Variants in DLGAP2 observed in about 807,000 individuals in gnomAD.
The protein encoded by DLGAP2 is disks large-associated protein 2.
In DLGAP2, 26 loss-of-function variants were observed where a neutral mutation model predicts 100.3. The observed-to-expected ratio is 0.26, with a 90% CI of 0.19 to 0.36. The LOEUF (loss-of-function observed/expected upper bound fraction) is 0.36. Among genes scored for constraint, DLGAP2 ranks in the 10% least tolerant of loss-of-function variants. The pLI is 1.00. For synonymous variants in DLGAP2, 886 were observed against 630.1 expected (o/e 1.41, Z -6.08); for missense variants, 1,858 against 1,453.2 (o/e 1.28, Z -4.53).
intron 6 of DLGAP2, among the ~76,000 whole-genome samples, chr8:1,619,005 T>C (rs1230745775): frequency 1.3e-5 from 2 of 152,072 alleles, no homozygotes; most frequent in East Asian, 1.9e-4. Context: ...TGTGACAGAA[T>C]AGAGACTCCA....
At chr8:1,075,627 G>T (rs1362923367) in intron 2 of DLGAP2, among the ~76,000 whole-genome samples, 1 of 152,188 alleles carries the variant, frequency 6.6e-6, no homozygotes, top group Non-Finnish European at 1.5e-5. Context: ...CTTTGTATGT[G>T]ACGTCCTTGA....
chr8:1,215,092 G>T (rs1262730755), intron 2 of DLGAP2, among the ~76,000 whole-genome samples: 1 of 152,200 alleles, frequency 6.6e-6, no homozygotes, highest in Non-Finnish European at 1.5e-5. Context: ...AACAGTAAAG[G>T]TCGTCAAGTG....
At chr8:1,287,488 GTGTGTGTGGTTCT>G (rs1171561058) in intron 3 of DLGAP2, among the ~76,000 whole-genome samples, 7 of 51,960 alleles carry the variant, frequency 1.3e-4, no homozygotes, top group African/African-American at 4.1e-4. Context: ...GTGTGTGTGT[GTGTGTGTGGTTCT>G]GTTAGGAGGG....
At chr8:827,093 A>G (rs1377042834) in intron 1 of DLGAP2, among the ~76,000 whole-genome samples, 2 of 152,090 alleles carry the variant, frequency 1.3e-5, no homozygotes, top group Non-Finnish European at 2.9e-5. Context: ...ACACAGTTGG[A>G]GGGCGTTTAC....
At chr8:1,164,282 G>T (rs979656098) in intron 2 of DLGAP2, among the ~76,000 whole-genome samples, 2 of 118,622 alleles carry the variant, frequency 1.7e-5, no homozygotes. Flanking sequence ...GGTTTGTGGG[G>T]ACTGATTGTG....
At chr8:952,506 G>A (rs1799505003) in intron 2 of DLGAP2, among the ~76,000 whole-genome samples, 1 of 152,158 alleles carries the variant, frequency 6.6e-6, no homozygotes, top group South Asian at 2.1e-4. Flanking sequence ...GTGTAGTGGT[G>A]GGCGTCTATA....
rs765465669 is a variant in DLGAP2 at position 781,508 on chromosome 8, C to G, written c.18+43683C>G. Among the ~76,000 whole-genome samples, 57 of 152,166 alleles carry G rather than the reference C, an allele frequency of 3.7e-4. 1 individual carries two copies. Among genetic ancestry groups the G allele is most frequent in the Middle Eastern group, 3.4e-3 (1 of 294 alleles). On this transcript the variant is annotated intron_variant, in intron 1 of 14. Coordinates refer to ENST00000637795, the MANE Select transcript of DLGAP2 (RefSeq NM_001346810.2). ...TGAGACTTGCTACAACTGTGATTAACTGCTGTAATTAACTTTTAGTGTGAC... is the reference window on the plus strand; with the variant it reads ...TGAGACTTGCTACAACTGTGATTAAGTGCTGTAATTAACTTTTAGTGTGAC...
intron 3 of DLGAP2, among the ~76,000 whole-genome samples, chr8:1,317,284 C>G (rs1283236047): frequency 2.6e-4 from 34 of 133,104 alleles, no homozygotes; most frequent in African/African-American, 4.1e-4. Context: ...GTGGTCTACA[C>G]TCGAGAAACT....
At chr8:932,143 T>C (rs1005968300) in intron 2 of DLGAP2, among the ~76,000 whole-genome samples, 2 of 152,226 alleles carry the variant, frequency 1.3e-5, no homozygotes, top group Non-Finnish European at 2.9e-5. Flanking sequence ...GATGTTTTTG[T>C]CGACAAACCT....
intron 4 of DLGAP2, among the ~76,000 whole-genome samples, chr8:1,520,323 G>A (rs1800548980): frequency 6.6e-6 from 1 of 152,212 alleles, no homozygotes; most frequent in Admixed American, 6.5e-5. Flanking sequence ...AACCCAGAAA[G>A]TATTTGGGGA....
intron 2 of DLGAP2, among the ~76,000 whole-genome samples, chr8:1,243,155 G>T (rs11786005): frequency 1.3e-5 from 2 of 152,014 alleles, no homozygotes; most frequent in South Asian, 4.1e-4. Context: ...GGGAAAGGCA[G>T]GGCGTGCTCA....
chr8:1,149,445 C>T (rs1194179860), intron 2 of DLGAP2, among the ~76,000 whole-genome samples: 1 of 152,134 alleles, frequency 6.6e-6, no homozygotes, highest in Non-Finnish European at 1.5e-5. Flanking sequence ...CCGCGCCTGG[C>T]CTGAAATTAC....
intron 6 of DLGAP2, among the ~76,000 whole-genome samples, chr8:1,613,598 C>T (rs1026718544): frequency 1.3e-5 from 2 of 151,830 alleles, no homozygotes; most frequent in African/African-American, 2.4e-5. Context: ...TTATGCACTG[C>T]GCACCCAGCT....
chr8:1,301,484 G>C (rs1347343138), intron 3 of DLGAP2: 2 of 151,834 alleles, frequency 1.3e-5, no homozygotes, highest in Non-Finnish European at 2.9e-5. Context: ...AAGATGATCA[G>C]CTCAAGATAG....
chr8:913,466 G>A (rs1345774455), intron 2 of DLGAP2, among the ~76,000 whole-genome samples: 1 of 152,210 alleles, frequency 6.6e-6, no homozygotes, highest in African/African-American at 2.4e-5. Context: ...TTTGGCGTGA[G>A]CGTATATGTT....
chr8:1,621,126 C>G (rs1053831795), intron 6 of DLGAP2: 3 of 152,368 alleles, frequency 2.0e-5, no homozygotes, highest in Middle Eastern at 6.8e-3. Flanking sequence ...TTCCAAGCAC[C>G]CAGACTTACG....
chr8:824,742 G>T (rs1796654623), intron 1 of DLGAP2, among the ~76,000 whole-genome samples: 1 of 152,158 alleles, frequency 6.6e-6, no homozygotes. Flanking sequence ...CCAGGATCCA[G>T]ACATGCTGCC....
chr8:1,122,739 C>T (rs896857003), intron 2 of DLGAP2, among the ~76,000 whole-genome samples: 6 of 152,086 alleles, frequency 3.9e-5, no homozygotes, highest in African/African-American at 1.2e-4. Context: ...TCATTTCCTC[C>T]CTCCCTTCAT....
chr8:1,557,001 C>T (rs1161795686), intron 5 of DLGAP2, among the ~76,000 whole-genome samples: 1 of 151,298 alleles, frequency 6.6e-6, no homozygotes, highest in South Asian at 2.1e-4. Context: ...ATGTTGAGCA[C>T]AGCCATGCAC....
Sources: gnomAD v4.1 joint callset for allele counts (sites outside exome capture counted in the v4.1 genomes callset) on GRCh38, gnomAD v4.1.1 for gene constraint, MANE v1.5 for transcripts, NCBI Gene and HGNC (gene_info 2026-07-23, HGNC 2026-07-21) for gene names.